Variants in RBFOX1 observed in about 807,000 individuals in gnomAD.
The protein encoded by RBFOX1 is RNA binding protein fox-1 homolog 1.
In RBFOX1, 8 loss-of-function variants were observed where a neutral mutation model predicts 57.7. The ratio of observed to expected loss-of-function variants is 0.14; its 90% CI spans 0.08 to 0.25. The LOEUF (loss-of-function observed/expected upper bound fraction) is 0.25, where lower values mean the gene tolerates loss of function less well. Ranked by LOEUF, RBFOX1 falls within the 10% of genes least tolerant of loss-of-function variation. RBFOX1 has a pLI of 1.00. For missense variants in RBFOX1, 611 were observed against 548.5 expected, an observed-to-expected ratio of 1.11 and a Z score of -1.14; for synonymous variants, 326 against 222.4, an observed-to-expected ratio of 1.47 and a Z score of -4.15.
At chr16:6,109,650 T>C (rs1044108095) in intron 1 of RBFOX1, among the ~76,000 whole-genome samples, 5 of 152,170 alleles carry the variant, frequency 3.3e-5, no homozygotes, top group African/African-American at 1.2e-4. Flanking sequence ...ATATTAGAAT[T>C]TTTATGCTTT....
At chr16:7,226,030 C>T (rs918881826) in intron 4 of RBFOX1, among the ~76,000 whole-genome samples, 1 of 151,838 alleles carries the variant, frequency 6.6e-6, no homozygotes, top group Admixed American at 6.6e-5. Flanking sequence ...CTCTGCTTTT[C>T]TTGGCGTCCA....
intron 2 of RBFOX1, among the ~76,000 whole-genome samples, chr16:6,421,928 T>A (rs917333155): frequency 7.9e-6 from 1 of 126,414 alleles, no homozygotes; most frequent in African/African-American, 2.7e-5. Flanking sequence ...GACCTTTTTT[T>A]TTTTTTTTTT....
chr16:7,668,760 C>T (rs759788691), intron 13 of RBFOX1, among the ~76,000 whole-genome samples: 14 of 152,054 alleles, frequency 9.2e-5, no homozygotes, highest in Non-Finnish European at 1.5e-4. Context: ...ACTATTATTG[C>T]TTAGTGGTGC....
At position 5,718,384 on chromosome 16, in the gene RBFOX1, G is replaced by T. The variant is rs142869869; in HGVS notation, c.318+119423G>T. ...CCACCTGACCCACAGACACATATGT[G>T]AGAATAAATGAGGGCTGAGTTAAGC... On this transcript the variant is annotated intron_variant, in intron 3 of 19. Coordinates refer to the RBFOX1 transcript ENST00000641259. Among the ~76,000 whole-genome samples the T allele has an allele frequency of 3.5e-4, 53 of 152,316 alleles. 1 individual carries two copies. The East Asian group carries it at 0.01, about 29-fold the overall frequency.
chr16:7,317,140 C>A (rs11639540), intron 4 of RBFOX1, among the ~76,000 whole-genome samples: 70,045 of 151,908 alleles, frequency 0.46, 18,037 homozygotes, highest in East Asian at 0.83. Context: ...CACTGCGATA[C>A]TACTGGTGCA....
At chr16:6,459,598 A>G (rs996123069) in intron 2 of RBFOX1, among the ~76,000 whole-genome samples, 1 of 152,152 alleles carries the variant, frequency 6.6e-6, no homozygotes, top group Non-Finnish European at 1.5e-5. Flanking sequence ...GATATCTTTA[A>G]AGATTAATAA....
intron 1 of RBFOX1, among the ~76,000 whole-genome samples, chr16:5,406,055 T>C (rs919416868): frequency 6.6e-6 from 1 of 152,214 alleles, no homozygotes; most frequent in African/African-American, 2.4e-5. Flanking sequence ...GGGAGTTCTC[T>C]TACTTGCAAC....
rs529823742 is a variant in RBFOX1, at chr16:6,937,273, C to G, written c.-15-114784C>G. ...CCCAGATTCAACAATTGCCAACTCA[C>G]GACCAACACTGTTTCCTTTTTACCT... is the stretch of plus-strand genomic sequence containing the variant. On this transcript the variant is annotated intron_variant, in intron 3 of 15. Transcript: ENST00000550418. Among the ~76,000 whole-genome samples the G allele has an allele frequency of 1.1e-4, 17 of 152,260 alleles. No individual in the cohort carries two copies. In the South Asian group the frequency reaches 3.5e-3, roughly 32 times the overall value.
At chr16:5,607,891 T>C (rs1479084079) in intron 3 of RBFOX1, among the ~76,000 whole-genome samples, 1 of 152,224 alleles carries the variant, frequency 6.6e-6, no homozygotes. Context: ...CTGGACAGGA[T>C]TTCATTGTAT....
chr16:7,710,854 A>AAG lies in RBFOX1; in HGVS notation c.*110_*111insGA, dbSNP rs2083902713. The AAG allele has an allele frequency of 9.2e-7, 1 of 1,089,096 alleles. No individual in the cohort carries two copies. Among genetic ancestry groups the AAG allele is most frequent in the East Asian group, 3.1e-5 (1 of 32,024 alleles). The allele number at this position is 1,089,096 out of a possible 1,614,324, so 67.5% of individuals were successfully genotyped here. On this transcript the variant is annotated 3_prime_UTR_variant, in exon 16 of 16. Coordinates refer to ENST00000550418, the MANE Select transcript of RBFOX1 (RefSeq NM_018723.4). ...TCATTTTAGCAACTCTAAAAAAAAA[A>AAG]AAAATACAAATAAAAAGGAAAAAAA...
intron 1 of RBFOX1, among the ~76,000 whole-genome samples, chr16:6,041,361 A>G (rs2095434359): frequency 6.6e-6 from 1 of 152,194 alleles, no homozygotes; most frequent in African/African-American, 2.4e-5. Context: ...GGAGATATCA[A>G]AGAATTTTCA....
chr16:7,205,429 A>C (rs1169664243), intron 4 of RBFOX1, among the ~76,000 whole-genome samples: 1 of 151,542 alleles, frequency 6.6e-6, no homozygotes, highest in Non-Finnish European at 1.5e-5. Flanking sequence ...AAGGCAGGAG[A>C]ATGGCTTGAA....
chr16:7,541,435 G>A (rs2082904926), intron 5 of RBFOX1, among the ~76,000 whole-genome samples: 4 of 151,750 alleles, frequency 2.6e-5, no homozygotes, highest in Admixed American at 6.6e-5. Context: ...TGCGTCAAAG[G>A]ATCTCATTAG....
At chr16:6,741,579 G>C (rs1322005671) in intron 3 of RBFOX1, among the ~76,000 whole-genome samples, 2 of 151,682 alleles carry the variant, frequency 1.3e-5, no homozygotes, top group Non-Finnish European at 2.9e-5. Flanking sequence ...TGAGGTAGGA[G>C]AATCGCTTGA....
intron 11 of RBFOX1, among the ~76,000 whole-genome samples, chr16:7,643,620 C>T (rs1260336846): frequency 1.3e-5 from 2 of 152,184 alleles, no homozygotes; most frequent in Non-Finnish European, 1.5e-5. Flanking sequence ...TACAAACCTG[C>T]TCACTAACTC....
At chr16:5,672,983 T>A (rs907322257) in intron 3 of RBFOX1, among the ~76,000 whole-genome samples, 2 of 152,010 alleles carry the variant, frequency 1.3e-5, no homozygotes, top group Middle Eastern at 3.2e-3. Flanking sequence ...GGTCAGTAAT[T>A]GCTCAGAAAC....
At chr16:7,310,503 T>C (rs1248437970) in intron 4 of RBFOX1, among the ~76,000 whole-genome samples, 1 of 152,114 alleles carries the variant, frequency 6.6e-6, no homozygotes, top group South Asian at 2.1e-4. Flanking sequence ...CAGAGTCCTG[T>C]TGGTATGTTT....
intron 1 of RBFOX1, among the ~76,000 whole-genome samples, chr16:5,363,154 C>T (rs1026899989): frequency 4.0e-5 from 6 of 150,946 alleles, no homozygotes; most frequent in Middle Eastern, 3.4e-3. Flanking sequence ...CTGCTTCAGC[C>T]TCCTGAGTAG....
At chr16:5,910,296 G>C (rs1320856010) in intron 4 of RBFOX1, among the ~76,000 whole-genome samples, 1 of 152,058 alleles carries the variant, frequency 6.6e-6, no homozygotes, top group Non-Finnish European at 1.5e-5. Context: ...GCATCACACA[G>C]AGGGGCACGT....
Sources: gnomAD v4.1 joint callset for allele counts (sites outside exome capture counted in the v4.1 genomes callset) on GRCh38, gnomAD v4.1.1 for gene constraint, MANE v1.5 for transcripts, NCBI Gene and HGNC (gene_info 2026-07-23, HGNC 2026-07-21) for gene names.